GOLGA6L9: variants seen among roughly 807,000 people sequenced by gnomAD.
The protein encoded by GOLGA6L9 is golgin A6 family like 9.
GOLGA6L9 carries 19 observed loss-of-function variants against 51.3 expected under a neutral mutation model. The ratio of observed to expected loss-of-function variants is 0.37; its 90% CI spans 0.26 to 0.54. The LOEUF (loss-of-function observed/expected upper bound fraction) is 0.54. GOLGA6L9 is among the 20% of genes least tolerant of loss of function. The pLI is 0.83. For synonymous variants in GOLGA6L9, 97 were observed against 184.2 expected (o/e 0.53, Z 3.83); for missense variants, 247 against 464.1 (o/e 0.53, Z 4.30).
At chr15:82,432,531 G>C (rs1202146152) in intron 2 of GOLGA6L9, 41 bp from the exon 3 acceptor site, 12 of 1,595,598 alleles carry the variant, frequency 7.5e-6, no homozygotes, top group African/African-American at 6.7e-5. Flanking sequence ...AGACAGTGAG[G>C]GGGGACAGAA....
chr15:82,435,358 T>G, intron 7 of GOLGA6L9: 1 of 326,344 alleles, frequency 3.1e-6, no homozygotes, highest in East Asian at 8.9e-5. Context: ...TAATAATAAT[T>G]AGCCAGGCCT....
At chr15:82,416,473 C>G in the GOLGA6L9 span, among the ~76,000 whole-genome samples, 2 of 151,932 alleles carry the variant, frequency 1.3e-5, no homozygotes, top group African/African-American at 4.8e-5. Context: ...GCTCACAGAG[C>G]CTAGAAGAGT....
Position 82,436,456 on chromosome 15 carries a change from G to T in GOLGA6L9, c.*45G>T. 1 of 1,527,756 alleles carries T rather than the reference G, an allele frequency of 6.5e-7. No homozygotes were observed. The highest frequency in any genetic ancestry group is 8.9e-7 in the Non-Finnish European group (1 of 1,122,584). The allele number at this position is 1,527,756 out of a possible 1,614,324, so 94.6% of individuals were successfully genotyped here. ...AAAAAAAAAACAAAACATTTAAGGGGTTAATATCCTACACAATTCATTTAC... is the reference window on the plus strand; with the variant it reads ...AAAAAAAAAACAAAACATTTAAGGGTTTAATATCCTACACAATTCATTTAC... On this transcript the variant is annotated 3_prime_UTR_variant, in exon 9 of 9. Coordinates refer to ENST00000618348, the MANE Select transcript of GOLGA6L9 (RefSeq NM_198181.4).
Position 82,429,913 on chromosome 15 carries a change from C to G in GOLGA6L9, c.-167C>G. On this transcript the variant is annotated 5_prime_UTR_variant, in exon 1 of 9. Transcript: ENST00000618348. ...TCTGGACATGCTGCGCCTGGCCACG[C>G]CTCCTTTCCCTTTCATCTTTCTCAC... 1 of 875,410 alleles carries G rather than the reference C, an allele frequency of 1.1e-6. No individual in the cohort carries two copies. The highest frequency in any genetic ancestry group is 1.9e-6 in the Non-Finnish European group (1 of 517,320). The allele number at this position is 875,410 out of a possible 1,614,324, so 54.2% of individuals were successfully genotyped here.
rs1367688998 is a variant in GOLGA6L9 at position 82,429,896 on chromosome 15, T to C, written c.-184T>C. 1 of 782,180 alleles carries C rather than the reference T, an allele frequency of 1.3e-6. No homozygotes were observed. Among genetic ancestry groups the C allele is most frequent in the Non-Finnish European group, 2.3e-6 (1 of 441,302 alleles). 48.5% of individuals were successfully genotyped at this position (782,180 alleles called of 1,614,324 possible). On this transcript the variant is annotated 5_prime_UTR_variant, in exon 1 of 9. An upstream start codon of the reference 5' UTR is lost. Coordinates refer to ENST00000618348, the MANE Select transcript of GOLGA6L9 (RefSeq NM_198181.4). ...ATGATGCTACAGGTCCCTCTGGACA[T>C]GCTGCGCCTGGCCACGCCTCCTTTC...
rs2031760877 is a variant in GOLGA6L9, at chr15:82,437,870, T to C, written c.*1459T>C. ...AAGTGTCTATACAATCACAGAGTTA[T>C]ATTTCCTCACAAAGTTCTTTACAAA... On this transcript the variant is annotated 3_prime_UTR_variant, in exon 9 of 9. Coordinates refer to ENST00000618348, the MANE Select transcript of GOLGA6L9 (RefSeq NM_198181.4). 1.3e-5 allele frequency: 2 copies of C among 151,368 alleles called. No homozygotes were observed. Among genetic ancestry groups the C allele is most frequent in the Non-Finnish European group, 1.5e-5 (1 of 67,840 alleles). The allele number at this position is 151,368 out of a possible 1,614,324, so 9.4% of individuals were successfully genotyped here.
upstream of GOLGA6L9, among the ~76,000 whole-genome samples, chr15:82,429,461 A>G (rs1282446328): frequency 6.6e-6 from 1 of 152,090 alleles, no homozygotes; most frequent in Admixed American, 6.5e-5. Flanking sequence ...TAAGACAAAC[A>G]TTTTTCCAAA....
chr15:82,432,597 G>T lies in GOLGA6L9; in HGVS notation c.230G>T (p.Gly77Val). Residue 77 changes from glycine to valine, a missense_variant, in exon 3 of 9, where the codon GGC becomes GTC. Coordinates refer to ENST00000618348, the MANE Select transcript of GOLGA6L9 (RefSeq NM_198181.4). The part of the protein sequence containing the change: ...GDSATGIYGE[G>V]RASSTTLQDL... ...TCAGCAACAGGTATCTACGGGGAGG[G>T]CCGTGCATCCTCTACTACCCTGCAG... 1.2e-6 allele frequency: 2 copies of T among 1,604,044 alleles called. No individual in the cohort carries two copies. The highest frequency in any genetic ancestry group is 1.1e-5 in the South Asian group (1 of 90,822).
At chr15:82,429,006 C>A (rs1291805588), upstream of GOLGA6L9, among the ~76,000 whole-genome samples, 4 of 152,116 alleles carry the variant, frequency 2.6e-5, no homozygotes, top group Non-Finnish European at 5.9e-5. Context: ...TGTTTTAAAC[C>A]AGTAAAGAGC....
At chr15:82,429,510 G>C, upstream of GOLGA6L9, among the ~76,000 whole-genome samples, 1 of 152,182 alleles carries the variant, frequency 6.6e-6, no homozygotes, top group East Asian at 1.9e-4. Flanking sequence ...TTATTGGAAT[G>C]TCGGATACTA....
At chr15:82,420,004 G>C in the GOLGA6L9 span, 2 of 444,140 alleles carry the variant, frequency 4.5e-6, no homozygotes, top group African/African-American at 4.1e-5. Context: ...CTACTCGATA[G>C]AATCAGTCAT....
chr15:82,429,495 C>T (rs1253083808), upstream of GOLGA6L9, among the ~76,000 whole-genome samples: 19 of 152,198 alleles, frequency 1.2e-4, no homozygotes, highest in African/African-American at 3.4e-4. Flanking sequence ...TGTGATTATT[C>T]TCTGTTATTG....
At position 82,429,858 on chromosome 15, in the gene GOLGA6L9, G is replaced by T. The variant is rs1445858859; in HGVS notation, c.-222G>T. Among the ~76,000 whole-genome samples, 2 of 152,126 alleles carry T rather than the reference G, an allele frequency of 1.3e-5. No individual in the cohort carries two copies. Among genetic ancestry groups the T allele is most frequent in the African/African-American group, 4.8e-5 (2 of 41,372 alleles). The stretch of plus-strand genomic sequence containing the variant: ...AGTGGGCGGGGACAGCGGTTGCATG[G>T]GCAGCTTTCCTTATGATGCTACAGG... On this transcript the variant is annotated 5_prime_UTR_variant, in exon 1 of 9. Coordinates refer to ENST00000618348, the MANE Select transcript of GOLGA6L9 (RefSeq NM_198181.4).
At chr15:82,420,403 A>C in the GOLGA6L9 span, among the ~76,000 whole-genome samples, 2 of 151,828 alleles carry the variant, frequency 1.3e-5, no homozygotes, top group East Asian at 3.9e-4. Flanking sequence ...AATTGAGTTC[A>C]TGTTATAAAA....
the GOLGA6L9 span, among the ~76,000 whole-genome samples, chr15:82,417,304 T>A: frequency 1.3e-5 from 2 of 152,192 alleles, no homozygotes; most frequent in Non-Finnish European, 2.9e-5. Context: ...TCCCTAGTAT[T>A]CTTGAACTGT....
intron 4 of GOLGA6L9, among the ~76,000 whole-genome samples, chr15:82,433,299 C>G (rs879035279): frequency 1.3e-5 from 2 of 151,784 alleles, no homozygotes; most frequent in South Asian, 2.1e-4. Context: ...TCAAAGGTCT[C>G]GGTTAGCTCT....
chr15:82,419,680 A>G, the GOLGA6L9 span, among the ~76,000 whole-genome samples: 1 of 152,088 alleles, frequency 6.6e-6, no homozygotes, highest in Non-Finnish European at 1.5e-5. Context: ...AACAAAAAAA[A>G]CAGAATGAAA....
At chr15:82,420,627 T>G in the GOLGA6L9 span, among the ~76,000 whole-genome samples, 1 of 151,996 alleles carries the variant, frequency 6.6e-6, no homozygotes, top group African/African-American at 2.4e-5. Flanking sequence ...TTGTCCAAAG[T>G]CACAGGTGGC....
At chr15:82,417,625 G>C in the GOLGA6L9 span, among the ~76,000 whole-genome samples, 7 of 152,232 alleles carry the variant, frequency 4.6e-5, no homozygotes, top group African/African-American at 7.2e-5. Context: ...CAACCTTAAA[G>C]GAAGAGTGGG....
Sources: gnomAD v4.1 joint callset for allele counts (sites outside exome capture counted in the v4.1 genomes callset) on GRCh38, gnomAD v4.1.1 for gene constraint, MANE v1.5 for transcripts, NCBI Gene and HGNC (gene_info 2026-07-23, HGNC 2026-07-21) for gene names.